UNC13C: variants seen among roughly 807,000 people sequenced by gnomAD.
UNC13C encodes the protein protein unc-13 homolog C.
In UNC13C, 174 loss-of-function variants were observed where a neutral mutation model predicts 245.4. The observed-to-expected ratio is 0.71, with a 90% CI of 0.63 to 0.80. UNC13C has a LOEUF of 0.80. UNC13C is among the 30% of genes least tolerant of loss of function. The pLI, the probability that UNC13C is intolerant of heterozygous loss-of-function variation, is 0.00. For missense variants in UNC13C, 2,829 were observed against 2,602.9 expected (o/e 1.09, Z -1.89); for synonymous variants, 992 against 895.1 (o/e 1.11, Z -1.93).
chr15:54,397,861 C>A (rs1567238588), intron 18 of UNC13C, among the ~76,000 whole-genome samples: 2 of 150,818 alleles, frequency 1.3e-5, no homozygotes, highest in Admixed American at 6.6e-5. Flanking sequence ...TTGTAGGTTC[C>A]TCATGATTAT....
intron 9 of UNC13C, among the ~76,000 whole-genome samples, chr15:54,264,632 C>A (rs1273085421): frequency 6.6e-6 from 1 of 150,802 alleles, no homozygotes. Flanking sequence ...TTCTGTTTTT[C>A]AATATATTCA....
chr15:54,149,107 CT>C (rs2032408381), intron 4 of UNC13C, among the ~76,000 whole-genome samples: 1 of 152,144 alleles, frequency 6.6e-6, no homozygotes, highest in East Asian at 1.9e-4. Flanking sequence ...CCCCCTGTCC[CT>C]GGCTCTCTGT....
Position 54,265,428 on chromosome 15 carries a change from AAAGAACAAAAG to A in UNC13C, c.3761_3771del (p.Arg1254AsnfsTer12). 6.3e-7 allele frequency: 1 copy of A among 1,578,324 alleles called. No individual in the cohort carries two copies. Among genetic ancestry groups the A allele is most frequent in the Non-Finnish European group, 8.6e-7 (1 of 1,159,568 alleles). ...ATCCATATGTTACAGTTCAAGTTGG[AAAGAACAAAAG>A]AAGAACAAAAACCATTTTTGGAAAT... On this transcript the variant is annotated frameshift_variant, in exon 10 of 33. Transcript: ENST00000260323. LOFTEE classifies it high-confidence loss of function.
chr15:54,513,837 C>T (rs911509380), intron 24 of UNC13C, among the ~76,000 whole-genome samples: 1 of 151,970 alleles, frequency 6.6e-6, no homozygotes, highest in East Asian at 1.9e-4. Flanking sequence ...TCTCTTTACC[C>T]TTTTCTGTGA....
intron 26 of UNC13C, among the ~76,000 whole-genome samples, 157 bp from the exon 27 acceptor site, chr15:54,546,565 T>C (rs1458584283): frequency 6.6e-6 from 1 of 152,170 alleles, no homozygotes; most frequent in Non-Finnish European, 1.5e-5. Context: ...ATATAGAGAA[T>C]TATCTAATGT....
At chr15:54,625,433 G>T (rs1419191437) in intron 32 of UNC13C, among the ~76,000 whole-genome samples, 1 of 152,140 alleles carries the variant, frequency 6.6e-6, no homozygotes, top group African/African-American at 2.4e-5. Flanking sequence ...GGCATGAGGA[G>T]TTGGGAAGAT....
intron 2 of UNC13C, among the ~76,000 whole-genome samples, chr15:54,132,304 T>A (rs2031482113): frequency 6.6e-6 from 1 of 152,156 alleles, no homozygotes; most frequent in Non-Finnish European, 1.5e-5. Context: ...TCTCCTGACC[T>A]CGTGATCTGC....
At chr15:54,505,057 T>A (rs1894408426) in intron 22 of UNC13C, among the ~76,000 whole-genome samples, 1 of 152,142 alleles carries the variant, frequency 6.6e-6, no homozygotes. Context: ...TTCATTTTAT[T>A]TAATCTGGAA....
At position 54,125,789 on chromosome 15, in the gene UNC13C, A is replaced by G. The variant is rs139675401; in HGVS notation, c.2984-17229A>G. On this transcript the variant is annotated intron_variant, in intron 2 of 32. Transcript: ENST00000260323. ...TAAGTAGATTGACTTCTATATCATT[A>G]TGTGCCTCTCTGATAGTTTTCTTTG... 4.8e-3 allele frequency among the ~76,000 whole-genome samples: 726 copies of G among 152,256 alleles called. 8 individuals carry two copies. Among genetic ancestry groups the G allele is most frequent in the African/African-American group, 0.017 (701 of 41,558 alleles).
At chr15:54,434,148 C>A (rs1016874885) in intron 19 of UNC13C, among the ~76,000 whole-genome samples, 3 of 152,022 alleles carry the variant, frequency 2.0e-5, no homozygotes, top group Admixed American at 2.0e-4. Flanking sequence ...GTGAAAATGG[C>A]CATACTGCCC....
chr15:54,198,052 CT>C (rs2034412744), intron 4 of UNC13C, among the ~76,000 whole-genome samples: 1 of 152,040 alleles, frequency 6.6e-6, no homozygotes, highest in Non-Finnish European at 1.5e-5. Context: ...TGACTGCCAG[CT>C]TTTCCTCACT....
intron 19 of UNC13C, among the ~76,000 whole-genome samples, chr15:54,450,432 C>A (rs1891107170): frequency 6.6e-6 from 1 of 152,230 alleles, no homozygotes; most frequent in African/African-American, 2.4e-5. Context: ...GTTCCAGCTT[C>A]CTGGCTGCTT....
chr15:53,848,555 G>A, the UNC13C span, among the ~76,000 whole-genome samples: 4 of 152,058 alleles, frequency 2.6e-5, no homozygotes, highest in Admixed American at 6.6e-5. Flanking sequence ...GGTGTCTACT[G>A]GTGAATATTC....
At chr15:54,408,815 A>T (rs1309585836) in intron 18 of UNC13C, among the ~76,000 whole-genome samples, 1 of 152,220 alleles carries the variant, frequency 6.6e-6, no homozygotes, top group Non-Finnish European at 1.5e-5. Flanking sequence ...GAAATATGCG[A>T]TCATATTTTA....
the UNC13C span, among the ~76,000 whole-genome samples, chr15:53,875,234 T>A: frequency 6.6e-6 from 1 of 152,168 alleles, no homozygotes; most frequent in African/African-American, 2.4e-5. Flanking sequence ...CTACTAAAGT[T>A]GTGAGGAGAA....
intron 2 of UNC13C, among the ~76,000 whole-genome samples, chr15:54,138,140 A>G (rs2141227711): frequency 6.6e-6 from 1 of 151,990 alleles, no homozygotes; most frequent in South Asian, 2.1e-4. Flanking sequence ...ATTGATTTCT[A>G]CTTTCAAATA....
intron 18 of UNC13C, among the ~76,000 whole-genome samples, chr15:54,406,182 G>A (rs1567244544): frequency 6.6e-6 from 1 of 152,134 alleles, no homozygotes; most frequent in Non-Finnish European, 1.5e-5. Flanking sequence ...TGCTAGGTTC[G>A]ACGAAAAGTG....
chr15:53,988,954 T>C (rs1894264096), intron 1 of UNC13C, among the ~76,000 whole-genome samples: 1 of 151,998 alleles, frequency 6.6e-6, no homozygotes, highest in Non-Finnish European at 1.5e-5. Flanking sequence ...TTTTAAAGCT[T>C]TTGAATTCAA....
intron 2 of UNC13C, among the ~76,000 whole-genome samples, chr15:54,133,707 T>G (rs1352019454): frequency 6.6e-6 from 1 of 152,176 alleles, no homozygotes; most frequent in African/African-American, 2.4e-5. Context: ...AACAACTGTA[T>G]GTAGAATAAA....
Sources: gnomAD v4.1 joint callset for allele counts (sites outside exome capture counted in the v4.1 genomes callset) on GRCh38, gnomAD v4.1.1 for gene constraint, MANE v1.5 for transcripts, NCBI Gene and HGNC (gene_info 2026-07-23, HGNC 2026-07-21) for gene names.